Variants in PLCB1 observed in about 807,000 individuals in gnomAD.
The protein encoded by PLCB1 is phospholipase C beta 1.
PLCB1 carries 46 observed loss-of-function variants against 161.8 expected under a neutral mutation model. The ratio of observed to expected loss-of-function variants is 0.28; its 90% CI spans 0.22 to 0.36. The LOEUF (loss-of-function observed/expected upper bound fraction) is 0.36. PLCB1 is among the 10% of genes least tolerant of loss of function. The pLI, the probability that PLCB1 is intolerant of heterozygous loss-of-function variation, is 1.00. For missense variants in PLCB1, 1,016 were observed against 1,472.5 expected (o/e 0.69, Z 5.07); for synonymous variants, 517 against 503.7 (o/e 1.03, Z -0.35).
intron 11 of PLCB1, among the ~76,000 whole-genome samples, chr20:8,702,140 G>A (rs893287693): frequency 4.6e-5 from 7 of 152,144 alleles, no homozygotes; most frequent in East Asian, 1.9e-4. Flanking sequence ...AAAAAGTTAC[G>A]TTCTGGGAAA....
At chr20:8,213,569 C>T (rs1285763820) in intron 2 of PLCB1, among the ~76,000 whole-genome samples, 1 of 151,962 alleles carries the variant, frequency 6.6e-6, no homozygotes, top group Non-Finnish European at 1.5e-5. Flanking sequence ...AAAGGTAAAG[C>T]CAGAACAGGG....
At chr20:8,544,073 C>T (rs1352603265) in intron 3 of PLCB1, among the ~76,000 whole-genome samples, 1 of 152,108 alleles carries the variant, frequency 6.6e-6, no homozygotes, top group Non-Finnish European at 1.5e-5. Context: ...GGGTACTATG[C>T]TCACAACCTG....
intron 9 of PLCB1, among the ~76,000 whole-genome samples, chr20:8,677,731 A>T (rs994955146): frequency 6.6e-6 from 1 of 152,142 alleles, no homozygotes; most frequent in Non-Finnish European, 1.5e-5. Context: ...TTTTTCCCAC[A>T]AAAATCTTTT....
At position 8,436,157 on chromosome 20, in the gene PLCB1, G is replaced by A. The variant is rs141713660; in HGVS notation, c.246+64707G>A. Reference sequence around the variant, plus strand: ...AGTTCGAGACCAGCCTGGCCATGACGAAACCTGTCTCTACTAAAAACACAA... The same window carrying A: ...AGTTCGAGACCAGCCTGGCCATGACAAAACCTGTCTCTACTAAAAACACAA... On this transcript the variant is annotated intron_variant, in intron 3 of 31. Transcript: ENST00000338037. 4.1e-3 allele frequency among the ~76,000 whole-genome samples: 631 copies of A among 152,078 alleles called. 7 individuals are homozygous for A. Among genetic ancestry groups the A allele is most frequent in the African/African-American group, 0.014 (601 of 41,502 alleles).
intron 3 of PLCB1, among the ~76,000 whole-genome samples, chr20:8,522,746 C>T (rs1186004205): frequency 6.6e-6 from 1 of 152,066 alleles, no homozygotes; most frequent in African/African-American, 2.4e-5. Context: ...AGTTTTAAAA[C>T]TAAGTGTTCT....
chr20:8,682,038 G>A lies in PLCB1; in HGVS notation c.863-2894G>A, dbSNP rs546932642. The stretch of plus-strand genomic sequence containing the variant: ...TGAATGGCCTTATTTTCTATTAGAC[G>A]GTGAGCTCTTTGAAGGCAGAGGCTG... On this transcript the variant is annotated intron_variant, in intron 9 of 31. Coordinates refer to ENST00000338037, the MANE Select transcript of PLCB1 (RefSeq NM_015192.4). 1.9e-3 allele frequency among the ~76,000 whole-genome samples: 284 copies of A among 152,134 alleles called. 1 individual carries two copies. Among genetic ancestry groups the A allele is most frequent in the African/African-American group, 6.4e-3 (266 of 41,486 alleles).
chr20:8,475,992 C>T (rs1982260584), intron 3 of PLCB1, among the ~76,000 whole-genome samples: 1 of 152,182 alleles, frequency 6.6e-6, no homozygotes, highest in Non-Finnish European at 1.5e-5. Flanking sequence ...GGTGTGGGAC[C>T]TGAGATTCTG....
intron 1 of PLCB1, among the ~76,000 whole-genome samples, chr20:8,146,101 T>G (rs1043496457): frequency 1.1e-3 from 110 of 103,004 alleles, no homozygotes; most frequent in Admixed American, 1.8e-3. Flanking sequence ...TTTTTGTTTT[T>G]TTTGTTTTTT....
At chr20:8,387,977 TAAAAA>T (rs1555802977) in intron 3 of PLCB1, among the ~76,000 whole-genome samples, 3 of 126,800 alleles carry the variant, frequency 2.4e-5, no homozygotes, top group African/African-American at 6.0e-5. Flanking sequence ...CCACTTTTTT[TAAAAA>T]AAAAAAAAAA....
chr20:8,742,860 T>G (rs1438218038), intron 23 of PLCB1, among the ~76,000 whole-genome samples: 1 of 152,214 alleles, frequency 6.6e-6, no homozygotes, highest in East Asian at 1.9e-4. Flanking sequence ...ACGGGGTGCA[T>G]TTGATATTCT....
At chr20:8,507,662 C>T (rs1027353465) in intron 3 of PLCB1, among the ~76,000 whole-genome samples, 1 of 152,046 alleles carries the variant, frequency 6.6e-6, no homozygotes, top group Admixed American at 6.5e-5. Flanking sequence ...AAATTTACAA[C>T]AAGGAAGTGG....
chr20:8,286,249 T>C lies in PLCB1; in HGVS notation c.178-85133T>C, dbSNP rs373102267. On this transcript the variant is annotated intron_variant, in intron 2 of 31. Coordinates refer to ENST00000338037, the MANE Select transcript of PLCB1 (RefSeq NM_015192.4). ...TGAGGTAGGAGAATCGCTTGAACCC[T>C]GAAGGCAGAGGTTGCAGTGAGCCAA... Among the ~76,000 whole-genome samples, 8 of 152,216 alleles carry C rather than the reference T, an allele frequency of 5.3e-5. No homozygotes were observed. In the East Asian group the frequency reaches 1.5e-3, roughly 29 times the overall value.
At chr20:8,584,484 A>T (rs1986928342) in intron 3 of PLCB1, among the ~76,000 whole-genome samples, 1 of 50,022 alleles carries the variant, frequency 2.0e-5, no homozygotes, top group Non-Finnish European at 3.3e-5. Flanking sequence ...ACACACACAG[A>T]CACACACACA....
Position 8,647,957 on chromosome 20 carries a change from A to G in PLCB1, c.518+4A>G. On this transcript the variant is annotated splice_donor_region_variant and intron_variant, in intron 6 of 31. Transcript: ENST00000338037. ...AAGGGCGTATTCCTCTCAAAAAGTA[A>G]GCTTTGTGAGCATTTCTCATTATTC... is the stretch of plus-strand genomic sequence containing the variant. 6.5e-7 allele frequency: 1 copy of G among 1,544,584 alleles called. No homozygotes were observed. Among genetic ancestry groups the G allele is most frequent in the Non-Finnish European group, 8.7e-7 (1 of 1,143,852 alleles).
At chr20:8,299,099 T>C (rs749083905) in intron 2 of PLCB1, among the ~76,000 whole-genome samples, 1 of 152,164 alleles carries the variant, frequency 6.6e-6, no homozygotes, top group Non-Finnish European at 1.5e-5. Context: ...TAAAATCCTC[T>C]AGAGGCAAAG....
chr20:8,600,809 G>A (rs1195194757), intron 3 of PLCB1: 3 of 152,016 alleles, frequency 2.0e-5, no homozygotes, highest in South Asian at 4.1e-4. Flanking sequence ...CTGGTGCGCC[G>A]TTTTTTAAGC....
chr20:8,375,943 C>CAAAAAAAAAAAAAAAAAAAAAAAA, intron 3 of PLCB1, among the ~76,000 whole-genome samples: 1 of 93,056 alleles, frequency 1.1e-5, no homozygotes, highest in Non-Finnish European at 2.1e-5. Context: ...CCAAGTGAAC[C>CAAAAAAAAAAAAAAAAAAAAAAAA]AAAAAAAAAA....
At chr20:8,503,448 C>G (rs904666195) in intron 3 of PLCB1, among the ~76,000 whole-genome samples, 2 of 152,166 alleles carry the variant, frequency 1.3e-5, no homozygotes, top group African/African-American at 2.4e-5. Flanking sequence ...CCTCTTTTCA[C>G]TTCTCTCTTA....
intron 2 of PLCB1, among the ~76,000 whole-genome samples, chr20:8,242,756 G>A (rs1337858177): frequency 6.6e-6 from 1 of 151,928 alleles, no homozygotes; most frequent in African/African-American, 2.4e-5. Flanking sequence ...TTAGCTCCAG[G>A]GATAGGGACA....
Sources: allele counts gnomAD v4.1 joint callset (sites outside exome capture counted in the v4.1 genomes callset), GRCh38; gene constraint gnomAD v4.1.1; transcripts MANE v1.5; gene names NCBI Gene and HGNC (gene_info 2026-07-23, HGNC 2026-07-21).